The following SLC39A14 variants were observed in gnomAD, a reference collection of about 807,000 sequenced individuals.
SLC39A14 encodes metal cation symporter ZIP14.
SLC39A14 carries 19 observed loss-of-function variants against 45.5 expected under a neutral mutation model. That is an observed-to-expected ratio of 0.42 (90% CI 0.29 to 0.61). SLC39A14 has a LOEUF of 0.61. Ranked by LOEUF, SLC39A14 falls within the 20% of genes least tolerant of loss-of-function variation. The pLI is 0.22. For synonymous variants in SLC39A14, 264 were observed against 251.3 expected (o/e 1.05, Z -0.48); for missense variants, 447 against 616.5 (o/e 0.73, Z 2.91).
At chr8:22,387,040 G>A (rs971266101) in intron 1 of SLC39A14, among the ~76,000 whole-genome samples, 1 of 152,120 alleles carries the variant, frequency 6.6e-6, no homozygotes, top group Non-Finnish European at 1.5e-5. Flanking sequence ...AGGCATGGTG[G>A]TGTGAACGTC....
At chr8:22,410,443 G>T (rs1366673037) in intron 3 of SLC39A14, among the ~76,000 whole-genome samples, 7 of 152,116 alleles carry the variant, frequency 4.6e-5, no homozygotes, top group African/African-American at 1.7e-4. Flanking sequence ...CATGCCTTTG[G>T]TGCTAAGTAC....
chr8:22,410,298 C>T (rs1007144166), intron 3 of SLC39A14, among the ~76,000 whole-genome samples: 1 of 152,198 alleles, frequency 6.6e-6, no homozygotes, highest in East Asian at 1.9e-4. Flanking sequence ...CCTCTCACTC[C>T]TCTGGCCTCT....
chr8:22,412,296 T>A, intron 4 of SLC39A14, 90 bp downstream of exon 4: 1 of 1,332,276 alleles, frequency 7.5e-7, no homozygotes, highest in Non-Finnish European at 1.0e-6. Context: ...AGAGGGCACC[T>A]GGAGGCCCTT....
In SLC39A14 at chr8:22,421,081, T is replaced by C; in HGVS notation, c.*1383T>C. 1.0e-6 allele frequency: 1 copy of C among 985,866 alleles called. No individual in the cohort carries two copies. The highest frequency in any genetic ancestry group is 1.7e-5 in the African/African-American group (1 of 57,372). The allele number at this position is 985,866 out of a possible 1,614,324, so 61.1% of individuals were successfully genotyped here. A position where few individuals can be genotyped will look rare whatever the true frequency, so the allele number is the denominator to read the frequency against. On this transcript the variant is annotated 3_prime_UTR_variant, in exon 9 of 9. Coordinates refer to ENST00000381237, the MANE Select transcript of SLC39A14 (RefSeq NM_001128431.4). ...GTTCACTAGGTGAATTGATTTATTA[T>C]TATCATATTGATAATGTGAGATTCT...
intron 1 of SLC39A14, among the ~76,000 whole-genome samples, chr8:22,383,328 A>T (rs1465045993): frequency 6.6e-6 from 1 of 152,054 alleles, no homozygotes; most frequent in Non-Finnish European, 1.5e-5. Context: ...AGGAGGAGGC[A>T]GCCAGCTCAC....
At chr8:22,369,311 TTGAC>T (rs1414533265) in intron 1 of SLC39A14, among the ~76,000 whole-genome samples, 1 of 152,204 alleles carries the variant, frequency 6.6e-6, no homozygotes, top group East Asian at 1.9e-4. Flanking sequence ...GATCCAGGTG[TTGAC>T]TGACAGCTGG....
intron 1 of SLC39A14, among the ~76,000 whole-genome samples, chr8:22,368,131 G>T (rs1832736189): frequency 6.6e-6 from 1 of 152,166 alleles, no homozygotes; most frequent in Non-Finnish European, 1.5e-5. Context: ...CCAGAGACAG[G>T]CTTCTCTAAA....
At chr8:22,418,288 G>A (rs936357227) in intron 8 of SLC39A14, among the ~76,000 whole-genome samples, 1 of 152,004 alleles carries the variant, frequency 6.6e-6, no homozygotes, top group African/African-American at 2.4e-5. Context: ...ACCATTCAGC[G>A]GTTTTTAAGG....
chr8:22,384,188 C>T (rs1461109152), intron 1 of SLC39A14, among the ~76,000 whole-genome samples: 3 of 152,218 alleles, frequency 2.0e-5, no homozygotes, highest in Admixed American at 2.0e-4. Flanking sequence ...GGGCCCCCTC[C>T]CCCAGCATTT....
chr8:22,392,961 T>A (rs1568570), intron 1 of SLC39A14: 20,710 of 152,368 alleles, frequency 0.14, 1,423 homozygotes, highest in East Asian at 0.19. Flanking sequence ...CAGTGGGGGC[T>A]CAGTAAATAT....
At chr8:22,368,523 TTTA>T (rs1832760623) in intron 1 of SLC39A14, among the ~76,000 whole-genome samples, 1 of 33,906 alleles carries the variant, frequency 2.9e-5, no homozygotes. Flanking sequence ...TTTATTTTAT[TTTA>T]TTTTATTTTA....
At chr8:22,368,486 CTTTTATTTTATTTTATTTTATTTTA>C (rs869157776) in intron 1 of SLC39A14, among the ~76,000 whole-genome samples, 5 of 147,528 alleles carry the variant, frequency 3.4e-5, no homozygotes, top group South Asian at 2.2e-4. Context: ...ATCCTTCCCT[CTTTTATTTTATTTTATTTTATTTTA>C]TTTTATTTTA....
In SLC39A14 at chr8:22,419,609, C is replaced by G. The variant is rs1249858324; in HGVS notation, c.1390C>G (p.Pro464Ala). 6.2e-7 allele frequency: 1 copy of G among 1,614,032 alleles called. No homozygotes were observed. Among genetic ancestry groups the G allele is most frequent in the African/African-American group, 1.3e-5 (1 of 74,918 alleles). ...TGAAAGGAAGGGCAGCATCTTGATT[C>G]CATTTATCATCCAGAACCTGGGCCT... ...EDERKGSILI[P>A]FIIQNLGLLT... Residue 464 changes from proline (P) to alanine (A), a missense_variant, in exon 9 of 9, where the codon CCA becomes GCA. Transcript: ENST00000381237.
chr8:22,425,056 A>G (rs143816245), downstream of SLC39A14, among the ~76,000 whole-genome samples: 4 of 149,670 alleles, frequency 2.7e-5, no homozygotes, highest in Admixed American at 6.7e-5. Flanking sequence ...AAAAAGACTA[A>G]ATGAAATGTC....
At chr8:22,386,988 A>G (rs1486523952) in intron 1 of SLC39A14, among the ~76,000 whole-genome samples, 1 of 152,196 alleles carries the variant, frequency 6.6e-6, no homozygotes, top group East Asian at 1.9e-4. Context: ...GCTGGGCAAT[A>G]GGGTGAGACC....
rs1835359079 is a variant in SLC39A14 at position 22,408,462 on chromosome 8, G to A, written c.423G>A (p.Glu141=). The change falls in exon 3 of 9, where the codon GAG becomes GAA. Residue 141 remains glutamate, a synonymous_variant. Coordinates refer to ENST00000381237, the MANE Select transcript of SLC39A14 (RefSeq NM_001128431.4). The part of the protein sequence containing the change: ...TSENQENEEN[E]QTEEGRPSAV... The stretch of plus-strand genomic sequence containing the variant: ...AGAACCAGGAAAACGAGGAGAATGA[G>A]CAGACGGAGGAGGGGCGGCCAAGCG... 1.2e-6 allele frequency: 2 copies of A among 1,614,038 alleles called. No homozygotes were observed. Among genetic ancestry groups the A allele is most frequent in the Non-Finnish European group, 1.7e-6 (2 of 1,180,040 alleles).
intron 1 of SLC39A14, among the ~76,000 whole-genome samples, chr8:22,373,947 A>G (rs1014985009): frequency 9.9e-5 from 15 of 152,258 alleles, no homozygotes; most frequent in South Asian, 2.1e-4. Context: ...TTTAGTGGAC[A>G]TGGGGTTTCG....
chr8:22,391,596 G>C (rs911727810), intron 1 of SLC39A14, among the ~76,000 whole-genome samples: 2 of 151,516 alleles, frequency 1.3e-5, no homozygotes, highest in African/African-American at 4.8e-5. Context: ...TTGAGATGGA[G>C]TCTTTGCTCT....
chr8:22,410,850 C>T lies in SLC39A14; in HGVS notation c.458-1187C>T, dbSNP rs369774191. Among the ~76,000 whole-genome samples, 10 of 152,136 alleles carry T rather than the reference C, an allele frequency of 6.6e-5. No individual in the cohort carries two copies. The East Asian group carries it at 1.3e-3, about 20-fold the overall frequency. ...AGTCTGCCCACTTTTTTAGCTCAAG[C>T]AGGGATGCTGCTGTGGAGGGTGAGG... On this transcript the variant is annotated intron_variant, in intron 3 of 8. Transcript: ENST00000381237.
Sources: gnomAD v4.1 joint callset for allele counts (sites outside exome capture counted in the v4.1 genomes callset) on GRCh38, gnomAD v4.1.1 for gene constraint, MANE v1.5 for transcripts, NCBI Gene and HGNC (gene_info 2026-07-23, HGNC 2026-07-21) for gene names.